ANKRD54: variants seen among roughly 807,000 people sequenced by gnomAD.
ANKRD54 encodes the protein ankyrin repeat domain-containing protein 54.
ANKRD54 carries 26 observed loss-of-function variants against 36.2 expected under a neutral mutation model. The ratio of observed to expected loss-of-function variants is 0.72; its 90% CI spans 0.53 to 1.00. ANKRD54 has a LOEUF of 1.00. Among genes scored for constraint, ANKRD54 ranks in the 50% least tolerant of loss-of-function variants. The probability of loss-of-function intolerance (pLI) is 0.00; values close to 1 mark genes in which losing one functional copy is unlikely to be tolerated. For synonymous variants in ANKRD54, 209 were observed against 188.4 expected, an observed-to-expected ratio of 1.11 and a Z score of -0.89; for missense variants, 384 against 424.3, an observed-to-expected ratio of 0.91 and a Z score of 0.83.
chr22:37,849,306 A>G (rs768799191), upstream of ANKRD54: 14 of 999,436 alleles, frequency 1.4e-5, no homozygotes, highest in South Asian at 1.6e-4. Context: ...TTCCTTCTGG[A>G]TATGGCTGTC....
intron 2 of ANKRD54, 60 bp downstream of exon 2, chr22:37,840,127 C>G (rs925714178): frequency 6.3e-7 from 1 of 1,597,756 alleles, no homozygotes; most frequent in African/African-American, 1.3e-5. Flanking sequence ...GATTACCTGG[C>G]CTTTTCCTTC....
chr22:37,838,671 GGA>G (rs1923845811), intron 2 of ANKRD54, 73 bp from the exon 3 acceptor site: 2 of 1,473,472 alleles, frequency 1.4e-6, no homozygotes, highest in African/African-American at 2.8e-5. Flanking sequence ...CCCGAGCGAT[GGA>G]GAGGGAGGCT....
At chr22:37,846,062 C>G (rs1049051031), upstream of ANKRD54, among the ~76,000 whole-genome samples, 1 of 151,596 alleles carries the variant, frequency 6.6e-6, no homozygotes, top group African/African-American at 2.4e-5. Flanking sequence ...TTAGTCCCAG[C>G]TACTCAGGAG....
intron 1 of ANKRD54, among the ~76,000 whole-genome samples, chr22:37,841,889 AAAT>A (rs1292935469): frequency 0.22 from 6,230 of 28,342 alleles, 546 homozygotes; most frequent in African/African-American, 0.51. Context: ...ATAAATAAAT[AAAT>A]AAATAAAATA....
chr22:37,849,194 C>A, upstream of ANKRD54: 1 of 534,818 alleles, frequency 1.9e-6, no homozygotes, highest in South Asian at 2.5e-5. Context: ...CCATATTGGT[C>A]AGGCTGGTCT....
At chr22:37,832,043 T>A (rs749719796) in intron 7 of ANKRD54, 26 bp from the exon 8 acceptor site, 1 of 1,603,730 alleles carries the variant, frequency 6.2e-7, no homozygotes, top group Admixed American at 1.7e-5. Flanking sequence ...GAGGCTCTGT[T>A]ATGGGACACG....
rs537811029 is a variant in ANKRD54, at chr22:37,842,065, C to T, written c.329-1831G>A. 5.3e-5 allele frequency among the ~76,000 whole-genome samples: 8 copies of T among 151,590 alleles called. No homozygotes were observed. The South Asian group carries it at 6.2e-4, about 12-fold the overall frequency. On this transcript the variant is annotated intron_variant, in intron 1 of 7. Transcript: ENST00000215941. ...AAAAAAAAAGAAAGAAAAAATATTT[C>T]TCAATCTTAGGTTAAGTTCTAACTT... is the stretch of plus-strand genomic sequence containing the variant.
intron 3 of ANKRD54, 114 bp downstream of exon 3, chr22:37,838,386 A>G (rs1923800794): frequency 9.8e-7 from 1 of 1,024,412 alleles, no homozygotes; most frequent in African/African-American, 1.6e-5. Flanking sequence ...AGTCTTCCTT[A>G]TATCCAGAAC....
chr22:37,832,295 C>T (rs961349927), intron 7 of ANKRD54, among the ~76,000 whole-genome samples: 22 of 151,626 alleles, frequency 1.5e-4, no homozygotes, highest in Admixed American at 1.2e-3. Context: ...ATCATAGGCT[C>T]TTTCCCCCAC....
Position 37,832,747 on chromosome 22 carries a change from G to A in ANKRD54, c.721-3C>T. On this transcript the variant is annotated splice_polypyrimidine_tract_variant and splice_region_variant and intron_variant, in intron 6 of 7. Coordinates refer to ENST00000215941, the MANE Select transcript of ANKRD54 (RefSeq NM_138797.4). ...TACTCCCTCAGCATATGGATGATCT[G>A]GAACAAGAGGGTGAGCTGAGCTGCC... 2.5e-6 allele frequency: 4 copies of A among 1,614,052 alleles called. No individual in the cohort carries two copies. Among genetic ancestry groups the A allele is most frequent in the Non-Finnish European group, 3.4e-6 (4 of 1,179,956 alleles).
intron 1 of ANKRD54, among the ~76,000 whole-genome samples, chr22:37,843,305 C>T (rs538598498): frequency 6.6e-6 from 1 of 152,162 alleles, no homozygotes; most frequent in African/African-American, 2.4e-5. Flanking sequence ...CGCCTGTAAC[C>T]CCAGCTACTC....
At chr22:37,832,615 T>C in intron 7 of ANKRD54, 22 bp downstream of exon 7, 2 of 1,606,416 alleles carry the variant, frequency 1.2e-6, no homozygotes, top group Non-Finnish European at 1.7e-6. Flanking sequence ...GCCCTGGGTC[T>C]GGGCCTGTGG....
At chr22:37,835,180 T>C (rs1325117924) in intron 3 of ANKRD54, among the ~76,000 whole-genome samples, 1 of 151,832 alleles carries the variant, frequency 6.6e-6, no homozygotes, top group South Asian at 2.1e-4. Flanking sequence ...CTGACCAACA[T>C]GGTGAAATCC....
At chr22:37,841,892 T>TAAAATA (rs201358059) in intron 1 of ANKRD54, among the ~76,000 whole-genome samples, 21 of 30,532 alleles carry the variant, frequency 6.9e-4, no homozygotes, top group African/African-American at 2.7e-3. Flanking sequence ...AATAAATAAA[T>TAAAATA]AAATAAAATA....
Position 37,840,213 on chromosome 22 carries a change from G to A in ANKRD54, c.350C>T (p.Ser117Leu), listed in dbSNP as rs1212889378. 1.8e-5 allele frequency: 29 copies of A among 1,613,996 alleles called. No homozygotes were observed. Among genetic ancestry groups the A allele is most frequent in the Non-Finnish European group, 2.3e-5 (27 of 1,179,928 alleles). ...EVHALKRLRD[S>L]ANANDVETVQ... Reference sequence around the variant, plus strand: ...TGTTTCCACATCATTGGCATTGGCCGAGTCCCTCAGTCTCTTCAGAGCTGT... The same window carrying A: ...TGTTTCCACATCATTGGCATTGGCCAAGTCCCTCAGTCTCTTCAGAGCTGT... Residue 117 changes from serine (S) to leucine (L), a missense_variant, in exon 2 of 8, where the codon TCG becomes TTG. Ser to Leu is a moderately radical substitution (Grantham distance 145, BLOSUM62 -2). Around this residue, in one of 3 missense-constraint regions of ANKRD54, gnomAD observed 10 missense variants for 22.5 expected, o/e 0.44. Transcript: ENST00000215941.
At chr22:37,835,045 C>A (rs1923355627) in intron 3 of ANKRD54, among the ~76,000 whole-genome samples, 1 of 148,198 alleles carries the variant, frequency 6.7e-6, no homozygotes, top group Non-Finnish European at 1.5e-5. Flanking sequence ...GGTGACAGAG[C>A]GAGACTCTGT....
At chr22:37,833,301 C>T in intron 4 of ANKRD54, 95 bp from the exon 5 acceptor site, 2 of 1,499,558 alleles carry the variant, frequency 1.3e-6, no homozygotes, top group South Asian at 1.2e-5. Context: ...TCCCAGACGC[C>T]TGTGCCAAGT....
chr22:37,837,119 CAAA>C (rs1433463793), intron 3 of ANKRD54, among the ~76,000 whole-genome samples: 45 of 151,738 alleles, frequency 3.0e-4, no homozygotes, highest in Non-Finnish European at 6.2e-4. Context: ...TATGAGACAC[CAAA>C]AGGGTTAAGA....
Position 37,831,675 on chromosome 22 carries a change from T to C in ANKRD54, c.*268A>G, listed in dbSNP as rs1259062656. 2.3e-5 allele frequency: 12 copies of C among 525,188 alleles called. No individual in the cohort carries two copies. Among genetic ancestry groups the C allele is most frequent in the Non-Finnish European group, 3.8e-5 (11 of 291,062 alleles). The allele number at this position is 525,188 out of a possible 1,614,324, so 32.5% of individuals were successfully genotyped here. On this transcript the variant is annotated 3_prime_UTR_variant, in exon 8 of 8. Coordinates refer to ENST00000215941, the MANE Select transcript of ANKRD54 (RefSeq NM_138797.4). Reference sequence around the variant, plus strand: ...ATAGCGCAGGTCTGCGGAGCTGAAGTGCAGCTGCAGAGGCTGGTCTGGTGC... The same window carrying C: ...ATAGCGCAGGTCTGCGGAGCTGAAGCGCAGCTGCAGAGGCTGGTCTGGTGC...
Sources: gnomAD v4.1 joint callset for allele counts (sites outside exome capture counted in the v4.1 genomes callset) on GRCh38, gnomAD v4.1.1 for gene constraint, gnomAD v4.1.1 regional missense constraint, MANE v1.5 for transcripts, NCBI Gene and HGNC (gene_info 2026-07-23, HGNC 2026-07-21) for gene names.